Variants in CIROP observed in about 807,000 individuals in gnomAD.
CIROP encodes ciliated left-right organizer metallopeptidase, also known as leishmanolysin homolog.
At chr14:23,100,500 A>T in the CIROP span, 25 of 413,362 alleles carry the variant, frequency 6.0e-5, no homozygotes, top group Middle Eastern at 1.2e-3. Flanking sequence ...GGAATATCTT[A>T]CTTGCTGGGT....
chr14:23,103,562 C>CAAAGT, the CIROP span: 2 of 537,132 alleles, frequency 3.7e-6, no homozygotes, highest in Non-Finnish European at 6.4e-6. Context: ...AAAACAAAAG[C>CAAAGT]AAAATAAAAC....
chr14:23,102,786 T>G, the CIROP span: 2 of 696,498 alleles, frequency 2.9e-6, no homozygotes, highest in Non-Finnish European at 5.2e-6. Flanking sequence ...ATAACCCCTC[T>G]GCCCAATCAG....
At chr14:23,099,226 A>G in the CIROP span, 4 of 413,330 alleles carry the variant, frequency 9.7e-6, no homozygotes, top group Non-Finnish European at 4.4e-6. Flanking sequence ...TTTTCCATCC[A>G]GTTGTCTCAC....
chr14:23,103,698 G>T, the CIROP span: 7 of 702,830 alleles, frequency 1.0e-5, no homozygotes, highest in Non-Finnish European at 1.8e-5. Flanking sequence ...TTGGAAGTGT[G>T]AGCAACTCGC....
At chr14:23,103,889 G>A in the CIROP span, 1 of 656,762 alleles carries the variant, frequency 1.5e-6, no homozygotes. Flanking sequence ...AGGAGTAGGG[G>A]AGAATGAATC....
chr14:23,104,886 G>GGCA, the CIROP span: 814 of 453,992 alleles, frequency 1.8e-3, 1 homozygote, highest in East Asian at 6.1e-3. Flanking sequence ...GACTAGTGGC[G>GGCA]GCAGCAGCAG....
the CIROP span, chr14:23,103,682 TG>T: frequency 1.4e-6 from 1 of 702,228 alleles, no homozygotes; most frequent in Non-Finnish European, 2.6e-6. Flanking sequence ...CACCTCTTGG[TG>T]GCACTTGGAA....
At chr14:23,103,740 C>A in the CIROP span, 1 of 703,024 alleles carries the variant, frequency 1.4e-6, no homozygotes, top group South Asian at 1.5e-5. Flanking sequence ...TTTTGGACCC[C>A]AGGCCCATCT....
At chr14:23,101,780 T>A in the CIROP span, 10 of 702,732 alleles carry the variant, frequency 1.4e-5, no homozygotes, top group South Asian at 1.5e-4. Context: ...GTGGAATGGA[T>A]GGTAGAGTGA....
chr14:23,100,743 A>G, the CIROP span: 2 of 398,592 alleles, frequency 5.0e-6, no homozygotes, highest in South Asian at 2.6e-4. Flanking sequence ...ATCTCATGAA[A>G]CAGATGCAGG....
chr14:23,104,619 C>G, the CIROP span: 1 of 702,304 alleles, frequency 1.4e-6, no homozygotes, highest in Admixed American at 2.0e-5. Flanking sequence ...AGCCTGGATT[C>G]GCTGAGTGGC....
chr14:23,102,565 T>C, the CIROP span: 3 of 702,330 alleles, frequency 4.3e-6, no homozygotes, highest in South Asian at 4.4e-5. Flanking sequence ...GGAAGGACGT[T>C]ATGAGATAGT....
chr14:23,103,106 A>G, the CIROP span: 1 of 456,412 alleles, frequency 2.2e-6, no homozygotes, highest in South Asian at 6.3e-5. Flanking sequence ...AGGGTAGCAC[A>G]AGTAGAAGAA....
chr14:23,099,217 T>A, the CIROP span: 1 of 413,084 alleles, frequency 2.4e-6, no homozygotes, highest in Non-Finnish European at 4.4e-6. Context: ...CACAATAGAT[T>A]TTCCATCCAG....
At chr14:23,104,889 A>G in the CIROP span, 20 of 119,846 alleles carry the variant, frequency 1.7e-4, no homozygotes, top group Middle Eastern at 1.2e-3. Context: ...TAGTGGCGGC[A>G]GCAGCAGCAG....
At chr14:23,099,518 T>C in the CIROP span, 1 of 411,542 alleles carries the variant, frequency 2.4e-6, no homozygotes, top group Admixed American at 4.4e-5. Context: ...ATATTTGGCA[T>C]GGAATAATGC....
At chr14:23,103,719 G>GC in the CIROP span, 1 of 703,056 alleles carries the variant, frequency 1.4e-6, no homozygotes, top group Non-Finnish European at 2.6e-6. Flanking sequence ...ACATACAGGA[G>GC]AAAATCAGTG....
At chr14:23,101,200 C>T in the CIROP span, 3 of 416,966 alleles carry the variant, frequency 7.2e-6, no homozygotes, top group Non-Finnish European at 8.5e-6. Context: ...AAACTGTATG[C>T]ACATCAAAAC....
the CIROP span, chr14:23,100,731 A>T: frequency 2.5e-6 from 1 of 398,744 alleles, no homozygotes; most frequent in East Asian, 3.6e-5. Flanking sequence ...CTGGCAGAGT[A>T]TATCTCATGA....
Sources: allele counts gnomAD v4.1 joint callset, GRCh38; gene constraint gnomAD v4.1.1; transcripts MANE v1.5; gene names NCBI Gene and HGNC (gene_info 2026-07-23, HGNC 2026-07-21).